PARL: variants seen among roughly 807,000 people sequenced by gnomAD.
PARL encodes the protein presenilin associated rhomboid like.
In PARL, 44 loss-of-function variants were observed where a neutral mutation model predicts 51.6. The ratio of observed to expected loss-of-function variants is 0.85; its 90% CI spans 0.67 to 1.10. The LOEUF (loss-of-function observed/expected upper bound fraction) is 1.10, where lower values mean the gene tolerates loss of function less well. PARL is among the 50% of genes least tolerant of loss of function. The pLI, the probability that PARL is intolerant of heterozygous loss-of-function variation, is 0.00. For missense variants in PARL, 441 were observed against 469.5 expected (o/e 0.94, Z 0.56); for synonymous variants, 172 against 164.0 (o/e 1.05, Z -0.37).
intron 1 of PARL, among the ~76,000 whole-genome samples, chr3:183,882,949 TA>T (rs1734735398): frequency 6.6e-6 from 1 of 152,190 alleles, no homozygotes; most frequent in East Asian, 1.9e-4. Flanking sequence ...ATATATAAGG[TA>T]AACTGATACT....
At chr3:183,864,639 G>A (rs1308700622) in intron 3 of PARL, among the ~76,000 whole-genome samples, 1 of 152,016 alleles carries the variant, frequency 6.6e-6, no homozygotes, top group African/African-American at 2.4e-5. Context: ...AGCCGGGCGT[G>A]GTGGCGGGCA....
intron 1 of PARL, among the ~76,000 whole-genome samples, chr3:183,873,538 G>T (rs1337687707): frequency 7.3e-6 from 1 of 137,406 alleles, no homozygotes; most frequent in African/African-American, 2.8e-5. Flanking sequence ...GACAGAGCAA[G>T]ACTCCGTCTC....
At chr3:183,843,657 C>T (rs186595176) in intron 5 of PARL, among the ~76,000 whole-genome samples, 1,656 of 152,140 alleles carry the variant, frequency 0.011, 28 homozygotes, top group African/African-American at 0.038. Context: ...GTTGAAACCC[C>T]GTCTCTACTA....
rs1727693644 is a variant in PARL at position 183,829,677 on chromosome 3, CA to C, written c.1060del (p.Trp354GlyfsTer7). The C allele has an allele frequency of 6.2e-7, 1 of 1,614,018 alleles. No individual in the cohort carries two copies. The highest frequency in any genetic ancestry group is 1.3e-5 in the African/African-American group (1 of 74,918). Reference sequence around the variant, plus strand: ...TTTCACTAGCGGCTCCCTGTTCTTCCAAATCAGTTCATGACCGTAAGTAACA... The same window carrying C: ...TTTCACTAGCGGCTCCCTGTTCTTCCAATCAGTTCATGACCGTAAGTAACA... ...WYVTYGHELI[W>X]KNREPLVKIW... is the part of the protein sequence containing the mutation. On this transcript the variant is annotated frameshift_variant, in exon 10 of 10. Coordinates refer to ENST00000317096, the MANE Select transcript of PARL (RefSeq NM_018622.7). LOFTEE classifies it high-confidence loss of function.
intron 4 of PARL, among the ~76,000 whole-genome samples, chr3:183,857,002 C>T (rs1360485669): frequency 2.6e-5 from 4 of 152,124 alleles, no homozygotes; most frequent in Non-Finnish European, 5.9e-5. Context: ...TGAAAACAAC[C>T]TAAATATCTA....
intron 1 of PARL, chr3:183,879,753 G>T: frequency 1.0e-6 from 1 of 963,874 alleles, no homozygotes; most frequent in Non-Finnish European, 1.2e-6. Flanking sequence ...TCCTCGCTCT[G>T]TCACCCAGGC....
intron 1 of PARL, among the ~76,000 whole-genome samples, chr3:183,882,326 TACACATATATACAC>T (rs1268087456): frequency 7.8e-6 from 1 of 128,140 alleles, no homozygotes; most frequent in African/African-American, 2.8e-5. Flanking sequence ...CACACATATA[TACACATATATACAC>T]ACACATATAT....
At chr3:183,862,468 TAAGGG>T (rs530090218) in intron 4 of PARL, 47 of 374,788 alleles carry the variant, frequency 1.3e-4, no homozygotes, top group African/African-American at 9.3e-4. Context: ...GTTTCTTTAA[TAAGGG>T]AAGTAATAAT....
At chr3:183,864,099 G>GA in intron 3 of PARL, among the ~76,000 whole-genome samples, 1 of 152,286 alleles carries the variant, frequency 6.6e-6, no homozygotes, top group South Asian at 2.1e-4. Context: ...TACATTGACT[G>GA]AACAGATGCC....
intron 1 of PARL, among the ~76,000 whole-genome samples, chr3:183,877,069 C>T (rs1447259313): frequency 6.6e-6 from 1 of 152,114 alleles, no homozygotes; most frequent in African/African-American, 2.4e-5. Context: ...AAAAAATTAA[C>T]TGGGCATGGT....
At chr3:183,854,730 GTT>G (rs1349130456) in intron 4 of PARL, among the ~76,000 whole-genome samples, 1 of 122,980 alleles carries the variant, frequency 8.1e-6, no homozygotes. Context: ...TATATTTCAT[GTT>G]TTTTTTTTTT....
At chr3:183,846,242 G>A (rs1729934742) in intron 4 of PARL, among the ~76,000 whole-genome samples, 1 of 152,148 alleles carries the variant, frequency 6.6e-6, no homozygotes, top group Non-Finnish European at 1.5e-5. Context: ...TGTAATCCCA[G>A]CAGTACTTTG....
chr3:183,833,189 T>C (rs2305664), intron 9 of PARL, among the ~76,000 whole-genome samples: 31,674 of 152,022 alleles, frequency 0.21, 3,579 homozygotes, highest in East Asian at 0.43. Flanking sequence ...GATGTCAGCA[T>C]AGACTGGGGG....
chr3:183,875,748 A>C (rs1229204835), intron 1 of PARL, among the ~76,000 whole-genome samples: 1 of 152,220 alleles, frequency 6.6e-6, no homozygotes, highest in Non-Finnish European at 1.5e-5. Context: ...GGCTACACTA[A>C]ACAGATTTGC....
At chr3:183,876,310 G>A (rs1452375338) in intron 1 of PARL, among the ~76,000 whole-genome samples, 1 of 152,182 alleles carries the variant, frequency 6.6e-6, no homozygotes, top group Non-Finnish European at 1.5e-5. Context: ...GCCTCCCACA[G>A]TGCTGGTATT....
At chr3:183,883,463 T>C (rs994181868) in intron 1 of PARL, 6 of 257,348 alleles carry the variant, frequency 2.3e-5, no homozygotes, top group Non-Finnish European at 3.7e-5. Flanking sequence ...AGAGACGGGG[T>C]TTTGCAATGT....
At chr3:183,882,236 T>TATAC (rs1734568285) in intron 1 of PARL, among the ~76,000 whole-genome samples, 2 of 19,868 alleles carry the variant, frequency 1.0e-4, no homozygotes, top group Admixed American at 6.3e-4. Flanking sequence ...TATATATATA[T>TATAC]ATATATATTT....
downstream of PARL, chr3:183,826,516 T>C (rs944749044): frequency 2.0e-4 from 137 of 680,626 alleles, no homozygotes; most frequent in Middle Eastern, 7.6e-4. Context: ...CATTTCAAGG[T>C]TGTACTTGGA....
intron 4 of PARL, among the ~76,000 whole-genome samples, chr3:183,855,139 GGGGAAGGA>G (rs751265573): frequency 1.3e-5 from 2 of 152,162 alleles, no homozygotes; most frequent in African/African-American, 2.4e-5. Context: ...CTAAGGCTGA[GGGGAAGGA>G]GGGAAGGAGG....
Sources: allele counts gnomAD v4.1 joint callset (sites outside exome capture counted in the v4.1 genomes callset), GRCh38; gene constraint gnomAD v4.1.1; transcripts MANE v1.5; gene names NCBI Gene and HGNC (gene_info 2026-07-23, HGNC 2026-07-21).